Variants in UBE2E2 observed in about 807,000 individuals in gnomAD.
The protein encoded by UBE2E2 is ubiquitin conjugating enzyme E2 E2.
UBE2E2 carries 6 observed loss-of-function variants against 24.7 expected under a neutral mutation model. The ratio of observed to expected loss-of-function variants is 0.24; its 90% CI spans 0.13 to 0.48. The LOEUF is 0.48. UBE2E2 is among the 20% of genes least tolerant of loss of function. The probability of loss-of-function intolerance (pLI) is 0.99; values close to 1 mark genes in which losing one functional copy is unlikely to be tolerated. For synonymous variants in UBE2E2, 104 were observed against 83.6 expected (o/e 1.24, Z -1.33); for missense variants, 169 against 245.0 (o/e 0.69, Z 2.07).
At chr3:23,471,938 C>CT (rs1215013235) in intron 3 of UBE2E2, among the ~76,000 whole-genome samples, 6 of 102,236 alleles carry the variant, frequency 5.9e-5, no homozygotes, top group South Asian at 3.4e-4. Flanking sequence ...AGGAAAACAT[C>CT]TTTAAAAAAA....
intron 3 of UBE2E2, among the ~76,000 whole-genome samples, chr3:23,369,819 A>G (rs1261540979): frequency 2.0e-5 from 3 of 152,192 alleles, no homozygotes. Flanking sequence ...TGAAAGCATG[A>G]TGTTTTATAA....
intron 3 of UBE2E2, among the ~76,000 whole-genome samples, chr3:23,349,658 C>T (rs896117936): frequency 2.6e-5 from 4 of 152,210 alleles, no homozygotes; most frequent in South Asian, 4.1e-4. Context: ...GATCAAACTG[C>T]GAGGCAGCAG....
At chr3:23,486,610 C>G (rs1011615678) in intron 3 of UBE2E2, among the ~76,000 whole-genome samples, 2 of 152,112 alleles carry the variant, frequency 1.3e-5, no homozygotes, top group Admixed American at 1.3e-4. Context: ...TGTCCCACGT[C>G]TGGGAAGAAT....
chr3:23,582,860 A>AGTGTGTGTGT (rs58053821), intron 5 of UBE2E2, among the ~76,000 whole-genome samples: 2,034 of 116,694 alleles, frequency 0.017, 16 homozygotes, highest in African/African-American at 0.037. Flanking sequence ...TATTCTGTTG[A>AGTGTGTGTGT]GTGTGTGTGT....
chr3:23,289,949 C>G (rs934302200), intron 3 of UBE2E2, among the ~76,000 whole-genome samples: 1 of 152,076 alleles, frequency 6.6e-6, no homozygotes, highest in African/African-American at 2.4e-5. Context: ...AATTGATAGA[C>G]TATTTCTCTT....
intron 3 of UBE2E2, among the ~76,000 whole-genome samples, chr3:23,356,347 A>G (rs1030105068): frequency 2.6e-5 from 4 of 152,194 alleles, no homozygotes; most frequent in Non-Finnish European, 4.4e-5. Flanking sequence ...ATTTCATGCT[A>G]TTTCAGAAAC....
intron 5 of UBE2E2, 100 bp downstream of exon 5, chr3:23,532,801 G>T: frequency 1.9e-6 from 2 of 1,075,832 alleles, no homozygotes; most frequent in Admixed American, 2.7e-5. Flanking sequence ...TACCACCACT[G>T]CTTCTACTAC....
At chr3:23,413,443 T>A (rs1697543991) in intron 3 of UBE2E2, among the ~76,000 whole-genome samples, 1 of 152,108 alleles carries the variant, frequency 6.6e-6, no homozygotes, top group African/African-American at 2.4e-5. Flanking sequence ...TAAGATCAGC[T>A]CAGCCTTAAT....
rs1184052124 is a variant in UBE2E2, at chr3:23,407,625, GTGTT to G, written c.228-91979_228-91976del. Among the ~76,000 whole-genome samples, 2 of 145,350 alleles carry G rather than the reference GTGTT, an allele frequency of 1.4e-5. No homozygotes were observed. Among genetic ancestry groups the G allele is most frequent in the African/African-American group, 2.7e-5 (1 of 37,034 alleles). ...TGTTTTGGGAGGAGTGCATGTGTGT[GTGTT>G]TGTGTGTGCATGCGTGCATGTGTGT... On this transcript the variant is annotated intron_variant, in intron 3 of 5. Coordinates refer to ENST00000396703, the MANE Select transcript of UBE2E2 (RefSeq NM_152653.4). The surrounding 1 kb of genome is among the most constrained non-coding windows in gnomAD (Gnocchi z 4.0).
intron 3 of UBE2E2, among the ~76,000 whole-genome samples, chr3:23,309,696 A>G (rs187749313): frequency 2.2e-4 from 33 of 152,218 alleles, no homozygotes; most frequent in African/African-American, 7.0e-4. Flanking sequence ...AAAGCTGGGG[A>G]AAAAAGATGT....
At chr3:23,396,251 G>A (rs1697070283) in intron 3 of UBE2E2, among the ~76,000 whole-genome samples, 2 of 148,790 alleles carry the variant, frequency 1.3e-5, no homozygotes, top group Non-Finnish European at 3.0e-5. Flanking sequence ...TAAAATTTGG[G>A]ATTTGGGCCA....
upstream of UBE2E2, chr3:23,203,118 G>T (rs1359158523): frequency 1.0e-6 from 1 of 983,634 alleles, no homozygotes; most frequent in Non-Finnish European, 1.2e-6. Context: ...GCGGGTGCGC[G>T]CGCGGACGGC....
At chr3:23,262,952 A>G (rs1391258858) in intron 3 of UBE2E2, among the ~76,000 whole-genome samples, 2 of 152,168 alleles carry the variant, frequency 1.3e-5, no homozygotes, top group Non-Finnish European at 2.9e-5. Flanking sequence ...CAGAAGGCAA[A>G]AAGCTCTTCT....
intron 3 of UBE2E2, among the ~76,000 whole-genome samples, chr3:23,284,694 G>T (rs956724079): frequency 2.6e-5 from 4 of 151,548 alleles, no homozygotes; most frequent in Middle Eastern, 3.2e-3. Context: ...GTTTTGGTGG[G>T]TACATAGTAG....
At chr3:23,212,118 A>T (rs995920091) in intron 2 of UBE2E2, among the ~76,000 whole-genome samples, 1 of 152,234 alleles carries the variant, frequency 6.6e-6, no homozygotes, top group African/African-American at 2.4e-5. Context: ...ATAAGCTGGT[A>T]TAGAACTATG....
intron 4 of UBE2E2, among the ~76,000 whole-genome samples, chr3:23,505,118 GCCA>G (rs1307838413): frequency 1.5e-5 from 2 of 133,246 alleles, no homozygotes; most frequent in Non-Finnish European, 3.2e-5. Context: ...ACAGGGTTTT[GCCA>G]TGTTGCTCAG....
intron 3 of UBE2E2, among the ~76,000 whole-genome samples, chr3:23,269,370 C>T (rs560553354): frequency 3.2e-4 from 48 of 152,254 alleles, no homozygotes; most frequent in African/African-American, 7.5e-4. Context: ...AAAACAAACC[C>T]GCTTGGAGTT....
intron 3 of UBE2E2, among the ~76,000 whole-genome samples, chr3:23,461,473 A>C (rs944981755): frequency 6.6e-6 from 1 of 152,176 alleles, no homozygotes; most frequent in Non-Finnish European, 1.5e-5. Flanking sequence ...TTGAAAAAAA[A>C]ATAAGGATTT....
At chr3:23,271,109 C>T in intron 3 of UBE2E2, 1 of 438,630 alleles carries the variant, frequency 2.3e-6, no homozygotes, top group Middle Eastern at 3.4e-4. Flanking sequence ...AGAAATGGAC[C>T]TTGAGTTTCA....
Sources: allele counts gnomAD v4.1 joint callset (sites outside exome capture counted in the v4.1 genomes callset), GRCh38; gene constraint gnomAD v4.1.1; non-coding constraint Gnocchi (gnomAD v3.1); transcripts MANE v1.5; gene names NCBI Gene and HGNC (gene_info 2026-07-23, HGNC 2026-07-21).